Variants in SUPT5H observed in about 807,000 individuals in gnomAD.
SUPT5H encodes the protein SPT5 homolog, DSIF elongation factor subunit, also known as transcription elongation factor SPT5.
A neutral mutation model predicts 142.5 loss-of-function variants in SUPT5H; 24 were observed. The observed-to-expected ratio is 0.17, with a 90% CI of 0.12 to 0.24. The LOEUF (loss-of-function observed/expected upper bound fraction) is 0.24, where lower values mean the gene tolerates loss of function less well. SUPT5H is among the 10% of genes least tolerant of loss of function. The pLI, the probability that SUPT5H is intolerant of heterozygous loss-of-function variation, is 1.00. For synonymous variants in SUPT5H, 546 were observed against 553.0 expected (o/e 0.99, Z 0.18); for missense variants, 893 against 1,471.8 (o/e 0.61, Z 6.43).
At position 39,465,059 on chromosome 19, in the gene SUPT5H, G is replaced by T. The variant is rs757946693; in HGVS notation, c.876+10G>T. ...GGATGACATTGCTCAGGTGCCCGGG[G>T]CGGGGTGGCATGGGGGTCAGGGTCC... On this transcript the variant is annotated intron_variant, in intron 11 of 29. Coordinates refer to ENST00000432763, the MANE Select transcript of SUPT5H (RefSeq NM_001111020.3). 5.2e-5 allele frequency: 83 copies of T among 1,608,034 alleles called. No homozygotes were observed. The East Asian group carries it at 1.8e-3, about 35-fold the overall frequency.
At position 39,472,766 on chromosome 19, in the gene SUPT5H, G is replaced by A; in HGVS notation, c.2036-44G>A. On this transcript the variant is annotated intron_variant, in intron 21 of 29. Transcript: ENST00000432763. This position sits in a 1 kb window ranked among gnomAD's most constrained non-coding sequence, Gnocchi z 4.2. ...GACGTTCTGATGGTGCCCTTGCTGT[G>A]GGCACAGCCGTGGGGGACCAGTGAC... is the stretch of plus-strand genomic sequence containing the variant. 6.3e-7 allele frequency: 1 copy of A among 1,586,246 alleles called. No homozygotes were observed. Among genetic ancestry groups the A allele is most frequent in the East Asian group, 2.2e-5 (1 of 44,550 alleles).
chr19:39,457,948 G>A (rs1263629279), intron 4 of SUPT5H: 1 of 940,662 alleles, frequency 1.1e-6, no homozygotes, highest in South Asian at 1.4e-5. Flanking sequence ...GGGTGGGGAT[G>A]TTGTGGGGAG....
chr19:39,465,798 A>T (rs1259992146), intron 11 of SUPT5H, among the ~76,000 whole-genome samples: 1 of 152,180 alleles, frequency 6.6e-6, no homozygotes, highest in Non-Finnish European at 1.5e-5. Context: ...AGCACATCCC[A>T]CCCAGATGGC....
intron 3 of SUPT5H, among the ~76,000 whole-genome samples, chr19:39,453,937 T>C (rs1348144144): frequency 6.6e-6 from 1 of 151,048 alleles, no homozygotes; most frequent in Non-Finnish European, 1.5e-5. Context: ...TCTTCTGAAA[T>C]GCATAAAACA....
intron 18 of SUPT5H, 99 bp from the exon 19 acceptor site, chr19:39,471,258 G>T (rs2079315534): frequency 1.8e-5 from 25 of 1,425,758 alleles, no homozygotes; most frequent in Non-Finnish European, 2.2e-5. Flanking sequence ...GCTTGGGACT[G>T]TCTCCCACAA....
Position 39,473,004 on chromosome 19 carries a change from C to G in SUPT5H, c.2156-8C>G, listed in dbSNP as rs957709363. The G allele has an allele frequency of 2.5e-6, 4 of 1,613,308 alleles. No individual in the cohort carries two copies. The African/African-American group carries it at 4.0e-5, about 16-fold the overall frequency. On this transcript the variant is annotated splice_polypyrimidine_tract_variant and splice_region_variant and intron_variant, in intron 22 of 29. Transcript: ENST00000432763. The surrounding 1 kb of genome is among the most constrained non-coding windows in gnomAD (Gnocchi z 5.8). ...GCCTGCCCAGCCTGACCTCCTGTCC[C>G]CCTGCAGGCTACATCGGTGTGGTGA...
rs548928722 is a variant in SUPT5H at position 39,449,102 on chromosome 19, A to G, written c.75+3137A>G. Among the ~76,000 whole-genome samples, 62 of 151,568 alleles carry G rather than the reference A, an allele frequency of 4.1e-4. 1 individual carries two copies. Among genetic ancestry groups the G allele is most frequent in the African/African-American group, 1.4e-3 (58 of 41,358 alleles). On this transcript the variant is annotated intron_variant, in intron 2 of 29. Transcript: ENST00000432763. ...GAGACTGCATCTCAAAAAACAAAAAACAAAAAACAAATGTTCCTTGACTTG... is the reference window on the plus strand; with the variant it reads ...GAGACTGCATCTCAAAAAACAAAAAGCAAAAAACAAATGTTCCTTGACTTG...
intron 10 of SUPT5H, 80 bp from the exon 11 acceptor site, chr19:39,464,718 G>T: frequency 1.3e-6 from 2 of 1,516,730 alleles, no homozygotes; most frequent in South Asian, 1.3e-5. Flanking sequence ...CTAGAAGAGG[G>T]ACTGCTGATG....
chr19:39,448,027 A>C (rs1038410217), intron 2 of SUPT5H, among the ~76,000 whole-genome samples: 31 of 152,122 alleles, frequency 2.0e-4, no homozygotes, highest in Admixed American at 2.0e-3. Context: ...ACCCTGGGAC[A>C]CAGAGTTGTT....
In SUPT5H at chr19:39,458,065, C is replaced by A; in HGVS notation, c.308-229C>A. On this transcript the variant is annotated intron_variant, in intron 4 of 29. Coordinates refer to ENST00000432763, the MANE Select transcript of SUPT5H (RefSeq NM_001111020.3). This position sits in a 1 kb window ranked among gnomAD's most constrained non-coding sequence, Gnocchi z 4.2. ...TCCTGGGCCAGTGCCCCCCTTTCCC[C>A]GTTATTTTCCGTTCTGTGCGCCTCA... 1 of 778,382 alleles carries A rather than the reference C, an allele frequency of 1.3e-6. No homozygotes were observed. Among genetic ancestry groups the A allele is most frequent in the Non-Finnish European group, 2.0e-6 (1 of 495,294 alleles). The allele number at this position is 778,382 out of a possible 1,614,324, so 48.2% of individuals were successfully genotyped here.
At chr19:39,450,529 C>G (rs528715959) in intron 2 of SUPT5H, among the ~76,000 whole-genome samples, 7 of 152,108 alleles carry the variant, frequency 4.6e-5, no homozygotes, top group Non-Finnish European at 1.0e-4. Flanking sequence ...CAGCTGAGGC[C>G]TAGTGTTGGG....
rs45568533 is a variant in SUPT5H at position 39,473,188 on chromosome 19, T to A, written c.2259-15T>A. The A allele has an allele frequency of 0.38, 604,594 of 1,610,772 alleles. 117,703 individuals carry two copies. The highest frequency in any genetic ancestry group is 0.59 in the African/African-American group (44,270 of 74,818). On this transcript the variant is annotated splice_polypyrimidine_tract_variant and intron_variant, in intron 23 of 29. Coordinates refer to ENST00000432763, the MANE Select transcript of SUPT5H (RefSeq NM_001111020.3). This position sits in a 1 kb window ranked among gnomAD's most constrained non-coding sequence, Gnocchi z 5.8. ...AGAGGGGTCTGCTCACCCCATTTGT[T>A]CTCTGCGTCCCCAGGGGCTCACGGC... is the stretch of plus-strand genomic sequence containing the variant.
chr19:39,463,904 T>G (rs752453281), intron 10 of SUPT5H, among the ~76,000 whole-genome samples: 5 of 152,238 alleles, frequency 3.3e-5, no homozygotes, highest in African/African-American at 4.8e-5. Flanking sequence ...AAATGTTTTT[T>G]GTTGTCTCTG....
At chr19:39,465,736 TGGAGG>T (rs955178739) in intron 11 of SUPT5H, among the ~76,000 whole-genome samples, 12 of 152,144 alleles carry the variant, frequency 7.9e-5, no homozygotes, top group African/African-American at 2.9e-4. Context: ...GGGAATAGCC[TGGAGG>T]GGGCCATGGG....
At chr19:39,457,822 G>A (rs756783201) in intron 4 of SUPT5H, 82 bp downstream of exon 4, 33 of 1,583,386 alleles carry the variant, frequency 2.1e-5, no homozygotes, top group Middle Eastern at 1.7e-4. Flanking sequence ...CCCGACCCCC[G>A]CATCCCCTGT....
At chr19:39,475,875 T>C in intron 28 of SUPT5H, 2 of 585,506 alleles carry the variant, frequency 3.4e-6, no homozygotes, top group South Asian at 4.3e-5. Flanking sequence ...TTCATTCTGA[T>C]GCTTCCCTTG....
Position 39,469,208 on chromosome 19 carries a change from C to G in SUPT5H, c.1237+36C>G. 1 of 1,614,224 alleles carries G rather than the reference C, an allele frequency of 6.2e-7. No individual in the cohort carries two copies. Among genetic ancestry groups the G allele is most frequent in the Non-Finnish European group, 8.5e-7 (1 of 1,180,018 alleles). ...CCCCTCTATAACCTGGGCCAAGGAG[C>G]AGGGGCGGCCCATGGTGGCAACCCC... On this transcript the variant is annotated intron_variant, in intron 15 of 29. Coordinates refer to ENST00000432763, the MANE Select transcript of SUPT5H (RefSeq NM_001111020.3). This position sits in a 1 kb window ranked among gnomAD's most constrained non-coding sequence, Gnocchi z 5.1.
chr19:39,464,778 T>G lies in SUPT5H; in HGVS notation c.625-20T>G. 6.3e-7 allele frequency: 1 copy of G among 1,580,680 alleles called. No individual in the cohort carries two copies. Among genetic ancestry groups the G allele is most frequent in the Non-Finnish European group, 8.6e-7 (1 of 1,157,382 alleles). Reference sequence around the variant, plus strand: ...CCGTTGTGTCTCACTGTTTCCTCCTTCCACCGGCTCACCCTGCAGCCCCTG... The same window carrying G: ...CCGTTGTGTCTCACTGTTTCCTCCTGCCACCGGCTCACCCTGCAGCCCCTG... On this transcript the variant is annotated intron_variant, in intron 10 of 29. Coordinates refer to ENST00000432763, the MANE Select transcript of SUPT5H (RefSeq NM_001111020.3).
At position 39,473,323 on chromosome 19, in the gene SUPT5H, C is replaced by T. The variant is rs369798301; in HGVS notation, c.2379C>T (p.Leu793=). The stretch of plus-strand genomic sequence containing the variant: ...CCATGTACGGCTCACAGACACCCCT[C>T]CAGGATGGTGAGTGCCCGCAGGGGA... ...RTPMYGSQTP[L]QDGSRTPHYG... is the part of the protein sequence containing the mutation. The change falls in exon 24 of 30, where the codon CTC becomes CTT. Residue 793 remains leucine (L), a synonymous_variant. Coordinates refer to ENST00000432763, the MANE Select transcript of SUPT5H (RefSeq NM_001111020.3). The surrounding 1 kb of genome is among the most constrained non-coding windows in gnomAD (Gnocchi z 5.8). The T allele has an allele frequency of 6.2e-7, 1 of 1,613,850 alleles. No individual in the cohort carries two copies. Among genetic ancestry groups the T allele is most frequent in the Non-Finnish European group, 8.5e-7 (1 of 1,179,956 alleles).
Sources: allele counts gnomAD v4.1 joint callset (sites outside exome capture counted in the v4.1 genomes callset), GRCh38; gene constraint gnomAD v4.1.1; non-coding constraint Gnocchi (gnomAD v3.1); transcripts MANE v1.5; gene names NCBI Gene and HGNC (gene_info 2026-07-23, HGNC 2026-07-21).